The following PRKAR2B variants were observed in gnomAD, a reference collection of about 807,000 sequenced individuals.
PRKAR2B encodes protein kinase cAMP-dependent type II regulatory subunit beta.
PRKAR2B carries 14 observed loss-of-function variants against 49.9 expected under a neutral mutation model. The ratio of observed to expected loss-of-function variants is 0.28; its 90% CI spans 0.19 to 0.44. The LOEUF (loss-of-function observed/expected upper bound fraction) is 0.44, where lower values mean the gene tolerates loss of function less well. Ranked by LOEUF, PRKAR2B falls within the 20% of genes least tolerant of loss-of-function variation. The pLI is 1.00. For missense variants in PRKAR2B, 393 were observed against 537.9 expected (o/e 0.73, Z 2.67); for synonymous variants, 196 against 197.7 (o/e 0.99, Z 0.07).
At chr7:107,122,071 T>C in intron 3 of PRKAR2B, 67 bp downstream of exon 3, 3 of 1,118,958 alleles carry the variant, frequency 2.7e-6, no homozygotes, top group Admixed American at 2.3e-5. Flanking sequence ...AAAATAATCA[T>C]AGAAAAGATT....
intron 5 of PRKAR2B, among the ~76,000 whole-genome samples, chr7:107,145,403 T>C (rs1382383206): frequency 1.3e-5 from 2 of 152,196 alleles, no homozygotes; most frequent in African/African-American, 4.8e-5. Flanking sequence ...TTGCTATAGC[T>C]AGATTCTTTT....
intron 2 of PRKAR2B, among the ~76,000 whole-genome samples, chr7:107,107,523 G>A (rs2116820297): frequency 6.6e-6 from 1 of 152,102 alleles, no homozygotes. Flanking sequence ...CCCTAACAGG[G>A]ATCTCTGCTA....
intron 4 of PRKAR2B, among the ~76,000 whole-genome samples, chr7:107,129,772 A>G (rs2115608749): frequency 6.6e-6 from 1 of 152,262 alleles, no homozygotes; most frequent in South Asian, 2.1e-4. Flanking sequence ...TGGATTATTC[A>G]TGCCTCCCCT....
chr7:107,157,082 T>A (rs1796106441), intron 9 of PRKAR2B, 33 bp downstream of exon 9: 2 of 1,607,732 alleles, frequency 1.2e-6, no homozygotes, highest in South Asian at 2.2e-5. Flanking sequence ...ACCCACATAC[T>A]GTTAGCAAGG....
intron 3 of PRKAR2B, among the ~76,000 whole-genome samples, chr7:107,126,512 C>T (rs961727698): frequency 1.3e-5 from 2 of 149,942 alleles, no homozygotes; most frequent in Admixed American, 1.3e-4. Flanking sequence ...TGTGTGAAGG[C>T]TTATAGGAAT....
chr7:107,150,958 A>G lies in PRKAR2B; in HGVS notation c.778A>G (p.Asn260Asp). 2 of 1,600,412 alleles carry G rather than the reference A, an allele frequency of 1.2e-6. No individual in the cohort carries two copies. The highest frequency in any genetic ancestry group is 1.7e-6 in the Non-Finnish European group (2 of 1,174,766). ...VTFRRIIVKNNAKKRKMYESF... is the reference protein window; with the variant it reads ...VTFRRIIVKNDAKKRKMYESF... Reference sequence around the variant, plus strand: ...CTTCAGGAGAATAATTGTGAAAAACAATGCCAAAAAGAGAAAAATGTATGA... The same window carrying G: ...CTTCAGGAGAATAATTGTGAAAAACGATGCCAAAAAGAGAAAAATGTATGA... Residue 260 changes from asparagine to aspartate, a missense_variant, in exon 7 of 11, where the codon AAT (asparagine) becomes GAT (aspartate). By Grantham distance (23) the Asn-to-Asp change is conservative. Around this residue, in one of 2 missense-constraint regions of PRKAR2B, gnomAD observed 233 missense variants for 390.4 expected, o/e 0.60. Coordinates refer to ENST00000265717, the MANE Select transcript of PRKAR2B (RefSeq NM_002736.3).
At chr7:107,096,893 G>A (rs1794849531) in intron 2 of PRKAR2B, among the ~76,000 whole-genome samples, 2 of 152,170 alleles carry the variant, frequency 1.3e-5, no homozygotes, top group African/African-American at 4.8e-5. Context: ...TAGAATTTCA[G>A]TTCTTTTACA....
chr7:107,141,568 T>C (rs1218539791), intron 5 of PRKAR2B, among the ~76,000 whole-genome samples: 1 of 152,172 alleles, frequency 6.6e-6, no homozygotes, highest in Non-Finnish European at 1.5e-5. Flanking sequence ...GGTGCACACC[T>C]GTAATCCCAG....
At chr7:107,098,821 A>G (rs1562856293) in intron 2 of PRKAR2B, among the ~76,000 whole-genome samples, 1 of 152,186 alleles carries the variant, frequency 6.6e-6, no homozygotes, top group African/African-American at 2.4e-5. Context: ...AGCAGAGGCT[A>G]CAGAACAGCA....
intron 3 of PRKAR2B, among the ~76,000 whole-genome samples, chr7:107,126,376 G>A (rs1019185833): frequency 4.9e-4 from 66 of 135,148 alleles, no homozygotes; most frequent in African/African-American, 1.8e-3. Flanking sequence ...AGCTGAGATC[G>A]CACCACTACA....
chr7:107,112,174 T>TAAAAAAAAAAAA (rs749209141), intron 2 of PRKAR2B, among the ~76,000 whole-genome samples: 1 of 44,800 alleles, frequency 2.2e-5, no homozygotes, highest in African/African-American at 1.0e-4. Flanking sequence ...ACTGTGTCTC[T>TAAAAAAAAAAAA]AAAAAAAAAA....
At chr7:107,130,937 C>T (rs1795595667) in intron 4 of PRKAR2B, among the ~76,000 whole-genome samples, 1 of 152,128 alleles carries the variant, frequency 6.6e-6, no homozygotes. Flanking sequence ...AAACAGTGCT[C>T]TCAAGCTTTA....
At chr7:107,057,154 C>T (rs1213432644) in intron 1 of PRKAR2B, among the ~76,000 whole-genome samples, 1 of 152,116 alleles carries the variant, frequency 6.6e-6, no homozygotes, top group East Asian at 1.9e-4. Flanking sequence ...TTCTGCTGAC[C>T]CCTCAAGACC....
At chr7:107,053,525 AGTGTGTGTGTGTGTGTGTGT>A (rs56855022) in intron 1 of PRKAR2B, among the ~76,000 whole-genome samples, 13 of 141,994 alleles carry the variant, frequency 9.2e-5, no homozygotes, top group Non-Finnish European at 1.5e-4. Context: ...GATTATAAAG[AGTGTGTGTGTGTGTGTGTGT>A]GTGTGTGTGT....
At chr7:107,050,541 A>C (rs1250887260) in intron 1 of PRKAR2B, among the ~76,000 whole-genome samples, 1 of 152,134 alleles carries the variant, frequency 6.6e-6, no homozygotes, top group Non-Finnish European at 1.5e-5. Flanking sequence ...AAATACAAAC[A>C]GGGGACCTAT....
intron 10 of PRKAR2B, among the ~76,000 whole-genome samples, chr7:107,157,821 C>T (rs1167938719): frequency 1.3e-5 from 2 of 152,134 alleles, no homozygotes; most frequent in African/African-American, 2.4e-5. Context: ...AGTAGCTTGG[C>T]AGAAATGTCA....
rs190531001 is a variant in PRKAR2B, at chr7:107,049,771, A to G, written c.307+4557A>G. Among the ~76,000 whole-genome samples the G allele has an allele frequency of 6.1e-3, 925 of 152,322 alleles. 11 individuals carry two copies. Among genetic ancestry groups the G allele is most frequent in the African/African-American group, 0.021 (875 of 41,574 alleles). ...AATAAAATCCATATCTTTTCAGCTC[A>G]TAATTTGTAGCTAAGAGCTCCAGGA... On this transcript the variant is annotated intron_variant, in intron 1 of 10. Transcript: ENST00000265717.
intron 4 of PRKAR2B, among the ~76,000 whole-genome samples, chr7:107,134,424 T>G (rs1795659617): frequency 6.6e-6 from 1 of 152,228 alleles, no homozygotes; most frequent in South Asian, 2.1e-4. Context: ...TTATACAAGT[T>G]TAAACTATTA....
At chr7:107,126,945 C>T (rs897587372) in intron 3 of PRKAR2B, among the ~76,000 whole-genome samples, 1 of 152,124 alleles carries the variant, frequency 6.6e-6, no homozygotes, top group Non-Finnish European at 1.5e-5. Flanking sequence ...TGCAGTGACC[C>T]TTTCTCTTAC....
Sources: allele counts gnomAD v4.1 joint callset (sites outside exome capture counted in the v4.1 genomes callset), GRCh38; gene constraint gnomAD v4.1.1; regional missense constraint gnomAD v4.1.1; transcripts MANE v1.5; gene names NCBI Gene and HGNC (gene_info 2026-07-23, HGNC 2026-07-21).